The following NEK6 variants were observed in gnomAD, a reference collection of about 807,000 sequenced individuals.
The protein encoded by NEK6 is NIMA related kinase 6.
NEK6 carries 27 observed loss-of-function variants against 43.5 expected under a neutral mutation model. The ratio of observed to expected loss-of-function variants is 0.62; its 90% CI spans 0.46 to 0.86. The LOEUF (loss-of-function observed/expected upper bound fraction) is 0.86. NEK6 is among the 40% of genes least tolerant of loss of function. The pLI is 0.00. For missense variants in NEK6, 318 were observed against 414.4 expected, an observed-to-expected ratio of 0.77 and a Z score of 2.02; for synonymous variants, 167 against 164.1, an observed-to-expected ratio of 1.02 and a Z score of -0.14.
At chr9:124,318,277 TATC>T (rs1833915330) in intron 4 of NEK6, among the ~76,000 whole-genome samples, 1 of 152,136 alleles carries the variant, frequency 6.6e-6, no homozygotes, top group Non-Finnish European at 1.5e-5. Flanking sequence ...GGTCACACCC[TATC>T]ATCTAAGCTG....
intron 1 of NEK6, among the ~76,000 whole-genome samples, chr9:124,297,977 C>T (rs377382601): frequency 6.6e-6 from 1 of 152,206 alleles, no homozygotes; most frequent in Admixed American, 6.5e-5. Context: ...GCCCTAAAAT[C>T]CAATACCCAT....
chr9:124,290,004 AGT>A (rs1314200267), intron 1 of NEK6, among the ~76,000 whole-genome samples: 2 of 152,346 alleles, frequency 1.3e-5, no homozygotes, highest in East Asian at 3.9e-4. Context: ...TCCAGGGTTC[AGT>A]GAGGATCCTG....
chr9:124,297,779 CAG>C, intron 1 of NEK6, among the ~76,000 whole-genome samples: 1 of 152,348 alleles, frequency 6.6e-6, no homozygotes, highest in Admixed American at 6.5e-5. Flanking sequence ...GGGCAGTCCT[CAG>C]TGTTACCCCG....
At chr9:124,287,495 A>G (rs1183915727) in intron 1 of NEK6, among the ~76,000 whole-genome samples, 3 of 152,214 alleles carry the variant, frequency 2.0e-5, no homozygotes, top group Non-Finnish European at 2.9e-5. Context: ...GCGGCTCCCT[A>G]TGATAGTGTG....
At chr9:124,350,757 T>C in intron 9 of NEK6, 80 bp from the exon 10 acceptor site, 1 of 979,758 alleles carries the variant, frequency 1.0e-6, no homozygotes, top group South Asian at 1.3e-5. Flanking sequence ...ATGAAGTGCC[T>C]TCATGCAGAC....
At position 124,292,125 on chromosome 9, in the gene NEK6, G is replaced by A. The variant is rs139833411; in HGVS notation, c.-29-9811G>A. On this transcript the variant is annotated intron_variant, in intron 1 of 9. Transcript: ENST00000320246. ...TTCTCTGCCTCCTGCTGTGGGAACC[G>A]CTTGCTCTTAGGGGTGTGTCCAGCG... 23 of 1,105,234 alleles carry A rather than the reference G, an allele frequency of 2.1e-5. No homozygotes were observed. In the East Asian group the frequency reaches 9.9e-4, roughly 48 times the overall value. The allele number at this position is 1,105,234 out of a possible 1,614,324, so 68.5% of individuals were successfully genotyped here. A position where few individuals can be genotyped will look rare whatever the true frequency, so the allele number is the denominator to read the frequency against.
intron 7 of NEK6, among the ~76,000 whole-genome samples, chr9:124,335,628 C>T (rs373023041): frequency 3.3e-5 from 5 of 152,068 alleles, no homozygotes; most frequent in Middle Eastern, 3.4e-3. Flanking sequence ...CACAGGCAGG[C>T]GGACTCATTC....
At chr9:124,300,597 G>A in intron 1 of NEK6, among the ~76,000 whole-genome samples, 1 of 152,144 alleles carries the variant, frequency 6.6e-6, no homozygotes, top group Non-Finnish European at 1.5e-5. Context: ...TTTATGAAGT[G>A]CCCCTGGGAG....
At chr9:124,336,524 C>T (rs183980866) in intron 7 of NEK6, among the ~76,000 whole-genome samples, 4 of 152,288 alleles carry the variant, frequency 2.6e-5, no homozygotes, top group African/African-American at 7.2e-5. Flanking sequence ...CTGAGTCCAG[C>T]CCCTGAATGG....
chr9:124,350,871 A>G lies in NEK6; in HGVS notation c.866A>G (p.Asp289Gly), dbSNP rs1830235577. The change falls in exon 10 of 10, where the codon GAC becomes GGC. Residue 289 changes from aspartate to glycine, a missense_variant. Asp to Gly is a moderately conservative substitution (Grantham distance 94). Coordinates refer to ENST00000320246, the MANE Select transcript of NEK6 (RefSeq NM_014397.6). ...CTGGTCAGCATGTGCATCTGCCCTG[A>G]CCCCCACCAGAGACCTGACATCGGA... ...RELVSMCICP[D>G]PHQRPDIGYV... 1.2e-6 allele frequency: 2 copies of G among 1,612,486 alleles called. No homozygotes were observed. The highest frequency in any genetic ancestry group is 1.7e-6 in the Non-Finnish European group (2 of 1,179,906).
At chr9:124,293,688 G>A (rs1832537124) in intron 1 of NEK6, among the ~76,000 whole-genome samples, 1 of 152,198 alleles carries the variant, frequency 6.6e-6, no homozygotes, top group Admixed American at 6.5e-5. Context: ...GCAGGAGGGT[G>A]GGAAGAGCCC....
intron 9 of NEK6, among the ~76,000 whole-genome samples, chr9:124,350,429 C>T (rs1424726522): frequency 1.3e-5 from 2 of 151,970 alleles, no homozygotes; most frequent in Admixed American, 6.6e-5. Flanking sequence ...CATGTTAATG[C>T]GTTTATTATG....
intron 1 of NEK6, among the ~76,000 whole-genome samples, chr9:124,265,408 GCTA>G (rs1157879089): frequency 6.6e-6 from 1 of 152,138 alleles, no homozygotes; most frequent in Non-Finnish European, 1.5e-5. Flanking sequence ...TGTAATCCCA[GCTA>G]CTCAGGAGGC....
intron 1 of NEK6, among the ~76,000 whole-genome samples, chr9:124,294,181 C>T (rs1429290845): frequency 6.6e-6 from 1 of 152,210 alleles, no homozygotes; most frequent in Non-Finnish European, 1.5e-5. Flanking sequence ...GCCTGACCAA[C>T]ATGGCGAAAC....
chr9:124,288,213 C>T (rs199828268), intron 1 of NEK6, among the ~76,000 whole-genome samples: 8 of 152,200 alleles, frequency 5.3e-5, no homozygotes, highest in Non-Finnish European at 8.8e-5. Context: ...ATCGCTGTTG[C>T]GTGAGGGCTG....
intron 2 of NEK6, among the ~76,000 whole-genome samples, chr9:124,305,553 C>A (rs1312316128): frequency 9.4e-4 from 116 of 123,580 alleles, no homozygotes; most frequent in Middle Eastern, 4.0e-3. Context: ...GACCCCATCT[C>A]AAAAAAAAAA....
chr9:124,321,560 G>T lies in NEK6; in HGVS notation c.396G>T (p.Gln132His), dbSNP rs747235761. ...TGGCTGACGCAGGGGACCTCTCGCA[G>T]ATGATCAAGGTGAGCGCCTGGCGGG... Reference protein sequence around the residue: ...LELADAGDLSQMIKYFKKQKR... With the variant: ...LELADAGDLSHMIKYFKKQKR... The change falls in exon 5 of 10, where the codon CAG becomes CAT. Residue 132 changes from glutamine (Q) to histidine (H), a missense_variant. Around this residue, in one of 2 missense-constraint regions of NEK6, gnomAD observed 239 missense variants for 344.4 expected, o/e 0.69. Coordinates refer to ENST00000320246, the MANE Select transcript of NEK6 (RefSeq NM_014397.6). 1.9e-6 allele frequency: 3 copies of T among 1,610,026 alleles called. No homozygotes were observed. The highest frequency in any genetic ancestry group is 2.6e-6 in the Non-Finnish European group (3 of 1,176,260).
At chr9:124,284,897 C>T (rs1445237696) in intron 1 of NEK6, among the ~76,000 whole-genome samples, 1 of 152,240 alleles carries the variant, frequency 6.6e-6, no homozygotes, top group African/African-American at 2.4e-5. Flanking sequence ...CTCTGACTCT[C>T]AGTTTCCCTA....
intron 2 of NEK6, among the ~76,000 whole-genome samples, chr9:124,310,994 T>G (rs758641378): frequency 3.9e-5 from 6 of 152,098 alleles, no homozygotes; most frequent in Non-Finnish European, 8.8e-5. Context: ...CATAACCAGG[T>G]TCCCCTCAGG....
Sources: allele counts gnomAD v4.1 joint callset (sites outside exome capture counted in the v4.1 genomes callset), GRCh38; gene constraint gnomAD v4.1.1; regional missense constraint gnomAD v4.1.1; transcripts MANE v1.5; gene names NCBI Gene and HGNC (gene_info 2026-07-23, HGNC 2026-07-21).